CNBD1: variants seen among roughly 807,000 people sequenced by gnomAD.
The protein encoded by CNBD1 is cyclic nucleotide-binding domain-containing protein 1.
In CNBD1, 71 loss-of-function variants were observed where a neutral mutation model predicts 54.4. The observed-to-expected ratio is 1.30, with a 90% CI of 1.08 to 1.59. CNBD1 has a LOEUF of 1.59. Among genes scored for constraint, CNBD1 ranks in the 40% most tolerant of loss-of-function variants. CNBD1 has a pLI of 0.00. For synonymous variants in CNBD1, 182 were observed against 170.7 expected, an observed-to-expected ratio of 1.07 and a Z score of -0.51; for missense variants, 659 against 518.0, an observed-to-expected ratio of 1.27 and a Z score of -2.64.
chr8:87,282,759 A>G (rs917223594), intron 6 of CNBD1, among the ~76,000 whole-genome samples: 1 of 152,012 alleles, frequency 6.6e-6, no homozygotes, highest in African/African-American at 2.4e-5. Context: ...CTTATTAGGT[A>G]ATTCCAACTA....
At chr8:86,978,581 T>C (rs992232167) in intron 4 of CNBD1, among the ~76,000 whole-genome samples, 2 of 135,058 alleles carry the variant, frequency 1.5e-5, no homozygotes, top group Admixed American at 1.7e-4. Flanking sequence ...TCGCTCTTGT[T>C]GCCCAGGCTG....
intron 4 of CNBD1, among the ~76,000 whole-genome samples, chr8:87,025,625 A>G (rs746413752): frequency 1.3e-5 from 2 of 152,136 alleles, no homozygotes; most frequent in Non-Finnish European, 1.5e-5. Context: ...CTCACTGTGA[A>G]GGTCTGTGGC....
intron 4 of CNBD1, among the ~76,000 whole-genome samples, chr8:87,064,523 TTA>T (rs1180723610): frequency 1.3e-5 from 2 of 151,902 alleles, no homozygotes; most frequent in African/African-American, 2.4e-5. Context: ...TTTAATTTTT[TTA>T]TATTTTAAAA....
intron 6 of CNBD1, among the ~76,000 whole-genome samples, chr8:87,263,536 AG>A (rs1223894615): frequency 6.6e-6 from 1 of 151,908 alleles, no homozygotes; most frequent in African/African-American, 2.4e-5. Flanking sequence ...CAGTAAAATT[AG>A]GTAAGTAATT....
chr8:86,909,411 G>A (rs78697190), intron 3 of CNBD1, among the ~76,000 whole-genome samples: 227 of 152,276 alleles, frequency 1.5e-3, no homozygotes, highest in African/African-American at 5.3e-3. Context: ...GTATCGTAAA[G>A]CTAGATGGTT....
intron 4 of CNBD1, among the ~76,000 whole-genome samples, chr8:87,022,700 A>G (rs1165618598): frequency 6.6e-6 from 1 of 152,222 alleles, no homozygotes; most frequent in Non-Finnish European, 1.5e-5. Flanking sequence ...AACCATGGTA[A>G]TGAAATCATC....
intron 4 of CNBD1, among the ~76,000 whole-genome samples, chr8:87,006,768 C>T (rs921103258): frequency 2.6e-5 from 4 of 152,194 alleles, no homozygotes; most frequent in Admixed American, 2.0e-4. Context: ...GACAACTCCT[C>T]CTCTTTAATC....
chr8:87,189,365 G>A (rs866087990), intron 4 of CNBD1, among the ~76,000 whole-genome samples: 12 of 152,232 alleles, frequency 7.9e-5, no homozygotes, highest in African/African-American at 2.4e-4. Flanking sequence ...TAAAATAAGC[G>A]TGTTTTATGA....
intron 4 of CNBD1, among the ~76,000 whole-genome samples, chr8:86,980,276 G>A (rs191254487): frequency 6.6e-6 from 1 of 152,294 alleles, no homozygotes; most frequent in African/African-American, 2.4e-5. Context: ...GCTTGCTGCT[G>A]GCTTTCAGCC....
chr8:87,394,398 A>T (rs919317903), intron 2 of CNBD1, among the ~76,000 whole-genome samples: 1 of 151,862 alleles, frequency 6.6e-6, no homozygotes, highest in Non-Finnish European at 1.5e-5. Context: ...TGAATCCCAG[A>T]CACGAACCAA....
chr8:86,943,657 A>T (rs1296238761), intron 4 of CNBD1, among the ~76,000 whole-genome samples: 1 of 152,144 alleles, frequency 6.6e-6, no homozygotes, highest in Non-Finnish European at 1.5e-5. Flanking sequence ...GAGAGAGGAG[A>T]CAGAGTGAGA....
intron 4 of CNBD1, among the ~76,000 whole-genome samples, chr8:87,028,129 T>C (rs1374049359): frequency 6.6e-6 from 1 of 152,142 alleles, no homozygotes; most frequent in Non-Finnish European, 1.5e-5. Context: ...TCTCAGTCAG[T>C]TAGGCTTGTT....
At position 86,893,378 on chromosome 8, in the gene CNBD1, C is replaced by T. The variant is rs549774877; in HGVS notation, c.158+5767C>T. On this transcript the variant is annotated intron_variant, in intron 2 of 10. Transcript: ENST00000518476. Reference sequence around the variant, plus strand: ...TAGAAGGAAGTGGGGGATTTTAAACCTTTAGTGATGTGAAGTAAAATCTTG... The same window carrying T: ...TAGAAGGAAGTGGGGGATTTTAAACTTTTAGTGATGTGAAGTAAAATCTTG... Among the ~76,000 whole-genome samples the T allele has an allele frequency of 7.9e-5, 12 of 152,212 alleles. No individual in the cohort carries two copies. In the South Asian group the frequency reaches 2.5e-3, roughly 32 times the overall value.
At chr8:87,339,342 A>C (rs75289552) in intron 8 of CNBD1, among the ~76,000 whole-genome samples, 2,648 of 136,344 alleles carry the variant, frequency 0.019, 76 homozygotes, top group African/African-American at 0.06. Context: ...AAGCTCCAAC[A>C]ATTTGTCAGT....
downstream of CNBD1, among the ~76,000 whole-genome samples, chr8:87,385,537 G>C (rs138040515): frequency 6.6e-6 from 1 of 152,080 alleles, no homozygotes; most frequent in African/African-American, 2.4e-5. Flanking sequence ...AGCAGTCTGA[G>C]ATCAAACTGC....
chr8:87,427,677 G>A (rs564507487), intron 2 of CNBD1, among the ~76,000 whole-genome samples: 2 of 152,124 alleles, frequency 1.3e-5, no homozygotes, highest in Non-Finnish European at 2.9e-5. Flanking sequence ...AGTAAAAAGT[G>A]AAGTAGTTAA....
chr8:86,890,585 T>C (rs1242798301), intron 2 of CNBD1, among the ~76,000 whole-genome samples: 1 of 152,096 alleles, frequency 6.6e-6, no homozygotes, highest in Non-Finnish European at 1.5e-5. Flanking sequence ...GATTTCAGTT[T>C]CTTTGGATAC....
intron 8 of CNBD1, among the ~76,000 whole-genome samples, chr8:87,343,638 T>A (rs1285939281): frequency 6.6e-6 from 1 of 152,222 alleles, no homozygotes; most frequent in East Asian, 1.9e-4. Flanking sequence ...TTTGTACATT[T>A]TAACAAAGTT....
At chr8:87,262,774 A>G (rs1217812203) in intron 6 of CNBD1, among the ~76,000 whole-genome samples, 2 of 152,162 alleles carry the variant, frequency 1.3e-5, no homozygotes, top group East Asian at 3.8e-4. Context: ...ACTTTAAAAG[A>G]TCCTTATCTG....
Sources: allele counts gnomAD v4.1 joint callset (sites outside exome capture counted in the v4.1 genomes callset), GRCh38; gene constraint gnomAD v4.1.1; transcripts MANE v1.5; gene names NCBI Gene and HGNC (gene_info 2026-07-23, HGNC 2026-07-21).